The following CCSER1 variants were observed in gnomAD, a reference collection of about 807,000 sequenced individuals.
The protein encoded by CCSER1 is serine-rich coiled-coil domain-containing protein 1.
In CCSER1, 41 loss-of-function variants were observed where a neutral mutation model predicts 82.0. The ratio of observed to expected loss-of-function variants is 0.50; its 90% confidence interval spans 0.39 to 0.65. The LOEUF (loss-of-function observed/expected upper bound fraction) is 0.65, where lower values mean the gene tolerates loss of function less well. Ranked by LOEUF, CCSER1 falls within the 30% of genes least tolerant of loss-of-function variation. The pLI is 0.00. For missense variants in CCSER1, 1,119 were observed against 1,064.2 expected, an observed-to-expected ratio of 1.05 and a Z score of -0.72; for synonymous variants, 414 against 383.9, an observed-to-expected ratio of 1.08 and a Z score of -0.92.
intron 10 of CCSER1, among the ~76,000 whole-genome samples, chr4:91,159,060 G>T (rs1279893337): frequency 6.6e-6 from 1 of 151,808 alleles, no homozygotes; most frequent in Non-Finnish European, 1.5e-5. Context: ...AAGATTTCCA[G>T]TGATTTCCCA....
chr4:91,312,377 GA>G, intron 10 of CCSER1, among the ~76,000 whole-genome samples: 1 of 151,318 alleles, frequency 6.6e-6, no homozygotes, highest in South Asian at 2.1e-4. Flanking sequence ...ATTTTGCCTG[GA>G]ATTAAGCTGA....
chr4:90,792,325 C>CAGTATT (rs1237955987), intron 7 of CCSER1, among the ~76,000 whole-genome samples: 1 of 152,110 alleles, frequency 6.6e-6, no homozygotes, highest in African/African-American at 2.4e-5. Context: ...TAGGATCTGC[C>CAGTATT]AGTATTAGGA....
chr4:90,687,706 C>G (rs1735069381), intron 6 of CCSER1, among the ~76,000 whole-genome samples: 2 of 152,074 alleles, frequency 1.3e-5, no homozygotes, highest in Non-Finnish European at 2.9e-5. Flanking sequence ...CCACCCACAA[C>G]CTCAGACAGC....
chr4:91,425,215 T>A (rs1753901575), intron 10 of CCSER1, among the ~76,000 whole-genome samples: 1 of 152,146 alleles, frequency 6.6e-6, no homozygotes, highest in African/African-American at 2.4e-5. Flanking sequence ...ATCTTTTACC[T>A]CGTATTTTCA....
chr4:91,308,417 A>G (rs1196136872), intron 10 of CCSER1, among the ~76,000 whole-genome samples: 6 of 152,024 alleles, frequency 3.9e-5, no homozygotes, highest in African/African-American at 1.2e-4. Flanking sequence ...TGGACCTCAT[A>G]AACAAATCAC....
At chr4:91,566,940 G>T (rs745390412) in intron 10 of CCSER1, among the ~76,000 whole-genome samples, 6 of 151,932 alleles carry the variant, frequency 3.9e-5, no homozygotes, top group Non-Finnish European at 8.8e-5. Context: ...CATTGGGGTT[G>T]ATTTGTTCTT....
At chr4:91,530,231 T>A (rs1760954185) in intron 10 of CCSER1, among the ~76,000 whole-genome samples, 1 of 152,060 alleles carries the variant, frequency 6.6e-6, no homozygotes. Flanking sequence ...TAAAAACTAG[T>A]GAATATGTGA....
chr4:91,158,223 T>A (rs770252005), intron 10 of CCSER1, among the ~76,000 whole-genome samples: 1 of 152,010 alleles, frequency 6.6e-6, no homozygotes, highest in Non-Finnish European at 1.5e-5. Flanking sequence ...AAATATGCTA[T>A]TTGAAGGTTA....
chr4:91,144,054 C>T (rs1288975009), intron 10 of CCSER1, among the ~76,000 whole-genome samples: 4 of 151,840 alleles, frequency 2.6e-5, no homozygotes, highest in African/African-American at 7.3e-5. Context: ...AGCTTTTGTA[C>T]CAGCTCTTCT....
intron 4 of CCSER1, among the ~76,000 whole-genome samples, chr4:90,421,892 C>T (rs1409494149): frequency 6.6e-6 from 1 of 151,806 alleles, no homozygotes; most frequent in African/African-American, 2.4e-5. Context: ...TTAGGGTACA[C>T]CAAAAAGACA....
intron 5 of CCSER1, among the ~76,000 whole-genome samples, chr4:90,510,392 A>G (rs1160603346): frequency 1.3e-5 from 2 of 152,214 alleles, no homozygotes; most frequent in African/African-American, 2.4e-5. Context: ...TCAAGTTACC[A>G]TTACAAAAAC....
At chr4:90,619,541 G>A (rs945750238) in intron 5 of CCSER1, among the ~76,000 whole-genome samples, 1 of 151,900 alleles carries the variant, frequency 6.6e-6, no homozygotes, top group Admixed American at 6.6e-5. Context: ...AATATTAGGG[G>A]GCAGTAAATA....
intron 1 of CCSER1, among the ~76,000 whole-genome samples, chr4:90,128,099 C>T (rs551489907): frequency 1.3e-5 from 2 of 152,250 alleles, no homozygotes; most frequent in Admixed American, 1.3e-4. Context: ...CACGCTGCTG[C>T]GTGGTTTGCT....
intron 10 of CCSER1, among the ~76,000 whole-genome samples, chr4:91,511,840 G>C (rs986501024): frequency 3.3e-5 from 5 of 152,018 alleles, no homozygotes; most frequent in Non-Finnish European, 7.4e-5. Context: ...ATTATATATT[G>C]CAAAGTAATA....
intron 6 of CCSER1, among the ~76,000 whole-genome samples, chr4:90,632,521 C>A (rs1053184883): frequency 1.3e-5 from 2 of 151,810 alleles, no homozygotes; most frequent in Non-Finnish European, 2.9e-5. Context: ...GTGAATACAC[C>A]TGCAAAAGTG....
chr4:90,436,157 T>C (rs1758967509), intron 4 of CCSER1, among the ~76,000 whole-genome samples: 2 of 152,140 alleles, frequency 1.3e-5, no homozygotes, highest in Admixed American at 1.3e-4. Flanking sequence ...ATAGCAATCT[T>C]TACAAATTAG....
intron 5 of CCSER1, among the ~76,000 whole-genome samples, chr4:90,518,707 T>G (rs1269980824): frequency 6.6e-6 from 1 of 151,966 alleles, no homozygotes; most frequent in Admixed American, 6.6e-5. Flanking sequence ...TCAAAGTTGG[T>G]TACATTTCTA....
At chr4:91,415,358 A>T (rs1753295471) in intron 10 of CCSER1, among the ~76,000 whole-genome samples, 1 of 152,066 alleles carries the variant, frequency 6.6e-6, no homozygotes, top group Non-Finnish European at 1.5e-5. Flanking sequence ...CATCTGCAAT[A>T]AAAGATAATT....
intron 10 of CCSER1, among the ~76,000 whole-genome samples, chr4:91,463,614 T>G (rs1042711055): frequency 1.1e-4 from 16 of 152,136 alleles, no homozygotes; most frequent in Non-Finnish European, 2.2e-4. Context: ...CAAAAAAGAT[T>G]AGACGAATGG....
Sources: allele counts gnomAD v4.1 joint callset (sites outside exome capture counted in the v4.1 genomes callset), GRCh38; gene constraint gnomAD v4.1.1; transcripts MANE v1.5; gene names NCBI Gene and HGNC (gene_info 2026-07-23, HGNC 2026-07-21).